PABPC4L: variants seen among roughly 807,000 people sequenced by gnomAD.
PABPC4L encodes the protein poly(A) binding protein cytoplasmic 4 like.
For missense variants in PABPC4L, 452 were observed against 451.4 expected (o/e 1.00, Z -0.01); for synonymous variants, 169 against 164.1 (o/e 1.03, Z -0.23).
chr4:133,963,724 C>A, the PABPC4L span, among the ~76,000 whole-genome samples: 2 of 151,812 alleles, frequency 1.3e-5, no homozygotes, highest in Admixed American at 6.6e-5. Context: ...AATTAAATAA[C>A]CTGTTCCTCA....
the PABPC4L span, among the ~76,000 whole-genome samples, chr4:134,058,383 C>T: frequency 6.6e-6 from 1 of 151,816 alleles, no homozygotes; most frequent in Non-Finnish European, 1.5e-5. Context: ...ATAAGCACTT[C>T]TTATGATAAA....
chr4:134,123,999 C>T, the PABPC4L span, among the ~76,000 whole-genome samples: 2 of 151,938 alleles, frequency 1.3e-5, no homozygotes, highest in East Asian at 3.9e-4. Context: ...AAGGTTTGAC[C>T]TTATGTTAGG....
chr4:134,027,894 A>T, the PABPC4L span, among the ~76,000 whole-genome samples: 1 of 152,180 alleles, frequency 6.6e-6, no homozygotes, highest in Non-Finnish European at 1.5e-5. Context: ...AGACACCTAA[A>T]GTGAGAACAA....
the PABPC4L span, among the ~76,000 whole-genome samples, chr4:133,998,343 A>G: frequency 6.6e-6 from 1 of 152,130 alleles, no homozygotes; most frequent in African/African-American, 2.4e-5. Context: ...GTCACATAAT[A>G]TAGTCAATTA....
chr4:133,996,922 A>T, the PABPC4L span, among the ~76,000 whole-genome samples: 1 of 152,214 alleles, frequency 6.6e-6, no homozygotes, highest in Non-Finnish European at 1.5e-5. Flanking sequence ...TGGTTTCTAG[A>T]GACAAAAGTA....
the PABPC4L span, among the ~76,000 whole-genome samples, chr4:134,101,787 C>T: frequency 1.3e-5 from 2 of 151,372 alleles, no homozygotes; most frequent in Admixed American, 6.6e-5. Flanking sequence ...AAGCATGAGA[C>T]AAGGCCATAC....
the PABPC4L span, among the ~76,000 whole-genome samples, chr4:134,102,986 ATTGT>A: frequency 6.6e-6 from 1 of 151,446 alleles, no homozygotes; most frequent in African/African-American, 2.4e-5. Context: ...GTATTTCTAC[ATTGT>A]TTATTTCTAC....
the PABPC4L span, among the ~76,000 whole-genome samples, chr4:134,049,289 A>G: frequency 1.2e-4 from 18 of 152,144 alleles, no homozygotes; most frequent in Admixed American, 4.6e-4. Flanking sequence ...CAATAGTAGT[A>G]ACTTAGTGAA....
At chr4:133,962,337 G>C in the PABPC4L span, among the ~76,000 whole-genome samples, 1 of 152,168 alleles carries the variant, frequency 6.6e-6, no homozygotes, top group Non-Finnish European at 1.5e-5. Context: ...GCTAATCAGG[G>C]AGACGCCAGA....
At chr4:134,176,635 C>G in the PABPC4L span, among the ~76,000 whole-genome samples, 1 of 152,020 alleles carries the variant, frequency 6.6e-6, no homozygotes, top group Non-Finnish European at 1.5e-5. Flanking sequence ...ACCCAACAGG[C>G]CGATCATCTG....
chr4:134,156,363 A>G, the PABPC4L span, among the ~76,000 whole-genome samples: 2 of 151,890 alleles, frequency 1.3e-5, no homozygotes, highest in African/African-American at 4.8e-5. Context: ...TTTTTAAGTA[A>G]ATAGTGCTCG....
chr4:133,962,352 G>T, the PABPC4L span, among the ~76,000 whole-genome samples: 1 of 152,192 alleles, frequency 6.6e-6, no homozygotes, highest in South Asian at 2.1e-4. Flanking sequence ...GCCAGAGAAA[G>T]GCGAAGCCCA....
chr4:133,968,325 G>T, the PABPC4L span, among the ~76,000 whole-genome samples: 1 of 152,250 alleles, frequency 6.6e-6, no homozygotes, highest in Admixed American at 6.5e-5. Context: ...GAGACAGACT[G>T]GGAAAAAACA....
the PABPC4L span, among the ~76,000 whole-genome samples, chr4:134,150,608 G>A: frequency 6.6e-6 from 1 of 152,040 alleles, no homozygotes; most frequent in African/African-American, 2.4e-5. Flanking sequence ...ATTTGATTAA[G>A]CCAATTTCAA....
chr4:134,102,002 G>T, the PABPC4L span, among the ~76,000 whole-genome samples: 2 of 151,374 alleles, frequency 1.3e-5, no homozygotes, highest in Non-Finnish European at 3.0e-5. Context: ...CTTCTCCAGA[G>T]CTGTTTGAAT....
chr4:134,145,441 A>AC, the PABPC4L span, among the ~76,000 whole-genome samples: 7,609 of 151,432 alleles, frequency 0.05, 257 homozygotes, highest in Non-Finnish European at 0.075. Context: ...ACGATATTAA[A>AC]CCCCCCTTCC....
At chr4:134,147,095 A>T in the PABPC4L span, among the ~76,000 whole-genome samples, 1 of 152,038 alleles carries the variant, frequency 6.6e-6, no homozygotes, top group East Asian at 1.9e-4. Flanking sequence ...AAAATAATAC[A>T]CTTTCTTTCC....
chr4:134,007,341 CA>C, the PABPC4L span, among the ~76,000 whole-genome samples: 349 of 146,100 alleles, frequency 2.4e-3, 3 homozygotes, highest in South Asian at 0.02. Flanking sequence ...ATTACTTTTT[CA>C]AAAAAAAAAT....
chr4:133,959,223 G>T, the PABPC4L span, among the ~76,000 whole-genome samples: 1 of 152,092 alleles, frequency 6.6e-6, no homozygotes, highest in Non-Finnish European at 1.5e-5. Flanking sequence ...ATCAGCAAGA[G>T]GACACAATCT....
Sources: allele counts gnomAD v4.1 joint callset (sites outside exome capture counted in the v4.1 genomes callset), GRCh38; gene constraint gnomAD v4.1.1; transcripts MANE v1.5; gene names NCBI Gene and HGNC (gene_info 2026-07-23, HGNC 2026-07-21).